SLC7A5: variants seen among roughly 807,000 people sequenced by gnomAD.
The protein encoded by SLC7A5 is solute carrier family 7 member 5, also known as large neutral amino acids transporter small subunit 1.
In SLC7A5, 23 loss-of-function variants were observed where a neutral mutation model predicts 50.2. The ratio of observed to expected loss-of-function variants is 0.46; its 90% CI spans 0.33 to 0.65. SLC7A5 has a LOEUF of 0.65. Among genes scored for constraint, SLC7A5 ranks in the 30% least tolerant of loss-of-function variants. The pLI is 0.02. For synonymous variants in SLC7A5, 393 were observed against 330.6 expected (o/e 1.19, Z -2.05); for missense variants, 578 against 684.4 (o/e 0.84, Z 1.73).
chr16:87,844,486 C>T (rs567292025), intron 2 of SLC7A5, among the ~76,000 whole-genome samples: 2 of 152,334 alleles, frequency 1.3e-5, no homozygotes, highest in East Asian at 3.9e-4. Flanking sequence ...TAAAGCCATC[C>T]TGCTGACGGG....
At chr16:87,864,107 C>T (rs965198091) in intron 1 of SLC7A5, among the ~76,000 whole-genome samples, 16 of 148,952 alleles carry the variant, frequency 1.1e-4, no homozygotes, top group African/African-American at 3.7e-4. Context: ...GCCTGGCCAA[C>T]GTGGAGAAAC....
rs1393381998 is a variant in SLC7A5 at position 87,830,335 on chromosome 16, AAAAC to A, written c.*2631_*2634del. ...CTTTAAATTAGTAAGACGTTAGCAC[AAAAC>A]AAAAAAGCACAACGACTGAAAATGC... On this transcript the variant is annotated 3_prime_UTR_variant, in exon 10 of 10. Coordinates refer to ENST00000261622, the MANE Select transcript of SLC7A5 (RefSeq NM_003486.7). The A allele has an allele frequency of 1.3e-5, 2 of 152,278 alleles. No individual in the cohort carries two copies. The highest frequency in any genetic ancestry group is 4.8e-5 in the African/African-American group (2 of 41,470). The allele number at this position is 152,278 out of a possible 1,614,324, so 9.4% of individuals were successfully genotyped here.
intron 2 of SLC7A5, among the ~76,000 whole-genome samples, chr16:87,849,068 G>C (rs1397852871): frequency 6.6e-6 from 1 of 152,226 alleles, no homozygotes; most frequent in Non-Finnish European, 1.5e-5. Flanking sequence ...CGTGGGCCAG[G>C]CCTGCTCTGC....
intron 5 of SLC7A5, 48 bp from the exon 6 acceptor site, chr16:87,838,865 C>A (rs527383195): frequency 7.0e-7 from 1 of 1,435,336 alleles, no homozygotes; most frequent in African/African-American, 1.4e-5. Context: ...CCGGCCCTCG[C>A]CCTCCCTGTG....
intron 1 of SLC7A5, among the ~76,000 whole-genome samples, chr16:87,857,986 G>A (rs1312833130): frequency 6.6e-6 from 1 of 152,094 alleles, no homozygotes; most frequent in African/African-American, 2.4e-5. Context: ...CCAAGTCCAG[G>A]GTAAGCAGGA....
chr16:87,859,603 C>A (rs1230566341), intron 1 of SLC7A5, among the ~76,000 whole-genome samples: 1 of 152,188 alleles, frequency 6.6e-6, no homozygotes, highest in Admixed American at 6.5e-5. Context: ...TGTTATACCC[C>A]CTCCCTCTGG....
At chr16:87,863,769 T>C (rs1009330176) in intron 1 of SLC7A5, 67 of 151,896 alleles carry the variant, frequency 4.4e-4, no homozygotes, top group African/African-American at 1.6e-3. Flanking sequence ...GGGACGTGCC[T>C]GGGCGACTGA....
rs78174881 is a variant in SLC7A5, at chr16:87,831,243, C to T, written c.*1727G>A. On this transcript the variant is annotated 3_prime_UTR_variant, in exon 10 of 10. Transcript: ENST00000261622. ...TTCGTCCCCAGGAAGGATGCAGGTCCTATGAGCAGACGCTGTGAAGTCTGT... is the reference window on the plus strand; with the variant it reads ...TTCGTCCCCAGGAAGGATGCAGGTCTTATGAGCAGACGCTGTGAAGTCTGT... 3,381 of 152,420 alleles carry T rather than the reference C, an allele frequency of 0.022. 64 individuals carry two copies. Among genetic ancestry groups the T allele is most frequent in the Non-Finnish European group, 0.034 (2,293 of 68,072 alleles). 9.4% of individuals were successfully genotyped at this position (152,420 alleles called of 1,614,324 possible).
Position 87,860,384 on chromosome 16 carries a change from A to C in SLC7A5, c.538+8501T>G. On this transcript the variant is annotated intron_variant, in intron 1 of 9. Transcript: ENST00000261622. The surrounding 1 kb of genome is among the most constrained non-coding windows in gnomAD (Gnocchi z 4.8). ...CACACACACACACACACACACACAC[A>C]CACACACACACACACATATATATAT... is the stretch of plus-strand genomic sequence containing the variant. Among the ~76,000 whole-genome samples, 1 of 147,524 alleles carries C rather than the reference A, an allele frequency of 6.8e-6. No homozygotes were observed. Among genetic ancestry groups the C allele is most frequent in the African/African-American group, 2.6e-5 (1 of 38,532 alleles).
rs1462233975 is a variant in SLC7A5, at chr16:87,831,142, C to A, written c.*1828G>T. ...ACAGGCCCAGAGGGAAGAGGTCTTG[C>A]CCAACACAGTCAGTCCACCTGCCTG... is the stretch of plus-strand genomic sequence containing the variant. On this transcript the variant is annotated 3_prime_UTR_variant, in exon 10 of 10. Coordinates refer to ENST00000261622, the MANE Select transcript of SLC7A5 (RefSeq NM_003486.7). 2 of 147,902 alleles carry A rather than the reference C, an allele frequency of 1.4e-5. No individual in the cohort carries two copies. The highest frequency in any genetic ancestry group is 5.0e-5 in the African/African-American group (2 of 40,280). 9.2% of individuals were successfully genotyped at this position (147,902 alleles called of 1,614,324 possible).
Position 87,841,539 on chromosome 16 carries a change from C to T in SLC7A5, c.665-384G>A, listed in dbSNP as rs558326377. ...AAGGCAGTATAAAGCCAGGAGACCT[C>T]GGTTTGCATCCTGGCTACGGCAACA... On this transcript the variant is annotated intron_variant, in intron 2 of 9. Transcript: ENST00000261622. This position sits in a 1 kb window ranked among gnomAD's most constrained non-coding sequence, Gnocchi z 4.8. Among the ~76,000 whole-genome samples the T allele has an allele frequency of 3.9e-5, 6 of 152,362 alleles. No homozygotes were observed. Among genetic ancestry groups the T allele is most frequent in the Non-Finnish European group, 7.3e-5 (5 of 68,032 alleles).
rs1292474330 is a variant in SLC7A5 at position 87,860,835 on chromosome 16, G to T, written c.538+8050C>A. On this transcript the variant is annotated intron_variant, in intron 1 of 9. Coordinates refer to ENST00000261622, the MANE Select transcript of SLC7A5 (RefSeq NM_003486.7). The surrounding 1 kb of genome is among the most constrained non-coding windows in gnomAD (Gnocchi z 4.8). ...CACGTAGTGGGCAAATCCTAGGGCA[G>T]GGGAGGGGCGGGCAATGCCAGAGAA... is the stretch of plus-strand genomic sequence containing the variant. 6.6e-6 allele frequency among the ~76,000 whole-genome samples: 1 copy of T among 152,228 alleles called. No homozygotes were observed. Among genetic ancestry groups the T allele is most frequent in the Non-Finnish European group, 1.5e-5 (1 of 68,042 alleles).
At chr16:87,844,741 A>G (rs1384645849) in intron 2 of SLC7A5, among the ~76,000 whole-genome samples, 1 of 152,222 alleles carries the variant, frequency 6.6e-6, no homozygotes, top group Non-Finnish European at 1.5e-5. Flanking sequence ...CTCAGGGACA[A>G]GAGAGTCACT....
Position 87,862,974 on chromosome 16 carries a change from A to C in SLC7A5, c.538+5911T>G, listed in dbSNP as rs2055417268. Among the ~76,000 whole-genome samples the C allele has an allele frequency of 1.3e-5, 2 of 152,216 alleles. No homozygotes were observed. Among genetic ancestry groups the C allele is most frequent in the South Asian group, 4.1e-4 (2 of 4,832 alleles). On this transcript the variant is annotated intron_variant, in intron 1 of 9. Transcript: ENST00000261622. This position sits in a 1 kb window ranked among gnomAD's most constrained non-coding sequence, Gnocchi z 5.3. The stretch of plus-strand genomic sequence containing the variant: ...CAGGTGTCCTCAGCCACCCGCAGCC[A>C]GAGTCCCGCGAGACCGACGGACGGC...
chr16:87,848,044 C>T (rs1218858846), intron 2 of SLC7A5, among the ~76,000 whole-genome samples: 7 of 152,198 alleles, frequency 4.6e-5, no homozygotes, highest in African/African-American at 1.2e-4. Flanking sequence ...CCAGGGGAAG[C>T]ATTTTCCCCT....
intron 1 of SLC7A5, among the ~76,000 whole-genome samples, chr16:87,868,320 G>C (rs74039991): frequency 0.021 from 3,223 of 152,038 alleles, 112 homozygotes; most frequent in African/African-American, 0.073. Flanking sequence ...TCACTACTGG[G>C]AACCCTCAGG....
At chr16:87,847,908 G>T (rs1007314996) in intron 2 of SLC7A5, among the ~76,000 whole-genome samples, 6 of 152,150 alleles carry the variant, frequency 3.9e-5, no homozygotes, top group African/African-American at 1.4e-4. Context: ...CGTATTTACC[G>T]CCTGGGACAC....
Position 87,860,031 on chromosome 16 carries a change from T to A in SLC7A5, c.539-8182A>T, listed in dbSNP as rs1199598659. Among the ~76,000 whole-genome samples, 1 of 151,628 alleles carries A rather than the reference T, an allele frequency of 6.6e-6. No individual in the cohort carries two copies. Among genetic ancestry groups the A allele is most frequent in the South Asian group, 2.1e-4 (1 of 4,810 alleles). ...TTTAGCTAATAACTCTTTCAACCAATTGTGAATCAGAAAATCTTTTGCCAG... is the reference window on the plus strand; with the variant it reads ...TTTAGCTAATAACTCTTTCAACCAAATGTGAATCAGAAAATCTTTTGCCAG... On this transcript the variant is annotated intron_variant, in intron 1 of 9. Transcript: ENST00000261622. This position sits in a 1 kb window ranked among gnomAD's most constrained non-coding sequence, Gnocchi z 4.8.
chr16:87,859,363 T>C (rs1166895916), intron 1 of SLC7A5, among the ~76,000 whole-genome samples: 1 of 152,150 alleles, frequency 6.6e-6, no homozygotes, highest in African/African-American at 2.4e-5. Context: ...GTGGACAGAA[T>C]CCTGCATTGG....
Sources: gnomAD v4.1 joint callset for allele counts (sites outside exome capture counted in the v4.1 genomes callset) on GRCh38, gnomAD v4.1.1 for gene constraint, Gnocchi (gnomAD v3.1) non-coding constraint, MANE v1.5 for transcripts, NCBI Gene and HGNC (gene_info 2026-07-23, HGNC 2026-07-21) for gene names.